CTNNA3: variants seen among roughly 807,000 people sequenced by gnomAD.
The protein encoded by CTNNA3 is catenin alpha 3.
A neutral mutation model predicts 95.7 loss-of-function variants in CTNNA3; 76 were observed. The observed-to-expected ratio is 0.79, with a 90% CI of 0.66 to 0.96. The LOEUF is 0.96. Ranked by LOEUF, CTNNA3 falls within the 40% of genes least tolerant of loss-of-function variation. The pLI is 0.00. For missense variants in CTNNA3, 1,191 were observed against 1,089.8 expected, an observed-to-expected ratio of 1.09 and a Z score of -1.31; for synonymous variants, 431 against 374.4, an observed-to-expected ratio of 1.15 and a Z score of -1.74.
chr10:66,438,369 T>A (rs1241786812), intron 11 of CTNNA3, among the ~76,000 whole-genome samples: 2 of 152,210 alleles, frequency 1.3e-5, no homozygotes, highest in Non-Finnish European at 2.9e-5. Context: ...GACTGTGGCT[T>A]CTGCCTTTCT....
At chr10:67,258,235 C>G (rs1866442287) in intron 5 of CTNNA3, among the ~76,000 whole-genome samples, 1 of 152,128 alleles carries the variant, frequency 6.6e-6, no homozygotes, top group South Asian at 2.1e-4. Context: ...CCTCCGCCTC[C>G]CAGGTTCCAG....
At chr10:67,313,375 C>G (rs1766332056) in intron 5 of CTNNA3, among the ~76,000 whole-genome samples, 1 of 151,100 alleles carries the variant, frequency 6.6e-6, no homozygotes, top group Non-Finnish European at 1.5e-5. Context: ...GAGTTTGCAG[C>G]AAGCTGAGAT....
chr10:66,396,348 A>C lies in CTNNA3; in HGVS notation c.1532-16996T>G, dbSNP rs2092976922. On this transcript the variant is annotated intron_variant, in intron 11 of 17. Coordinates refer to ENST00000433211, the MANE Select transcript of CTNNA3 (RefSeq NM_013266.4). ...GTTATATTGAACCAGTTTTATCCTA[A>C]TACATGGAATGTAATCAGGCAAAAT... 2.0e-5 allele frequency among the ~76,000 whole-genome samples: 3 copies of C among 151,998 alleles called. No homozygotes were observed. The Admixed American group carries it at 2.0e-4, about 10-fold the overall frequency.
At chr10:66,869,226 A>T (rs1844302024) in intron 7 of CTNNA3, among the ~76,000 whole-genome samples, 1 of 152,166 alleles carries the variant, frequency 6.6e-6, no homozygotes, top group Admixed American at 6.5e-5. Flanking sequence ...CAAATATTAG[A>T]ACAGGGATGA....
At chr10:66,072,036 C>T (rs2080447291) in intron 14 of CTNNA3, among the ~76,000 whole-genome samples, 2 of 152,156 alleles carry the variant, frequency 1.3e-5, no homozygotes, top group African/African-American at 2.4e-5. Flanking sequence ...CATATCACTC[C>T]GTTACTCAAC....
intron 7 of CTNNA3, among the ~76,000 whole-genome samples, chr10:67,129,638 A>G (rs1016385627): frequency 6.6e-6 from 1 of 152,170 alleles, no homozygotes; most frequent in African/African-American, 2.4e-5. Context: ...TCAAACGAGC[A>G]CTTGTTATTT....
chr10:67,491,434 C>G (rs10997665), intron 5 of CTNNA3, among the ~76,000 whole-genome samples: 10,968 of 152,214 alleles, frequency 0.072, 479 homozygotes, highest in South Asian at 0.14. Context: ...TACAGGAAAT[C>G]CTTTCGAAAC....
At chr10:66,997,834 A>T (rs1325001917) in intron 7 of CTNNA3, among the ~76,000 whole-genome samples, 1 of 152,060 alleles carries the variant, frequency 6.6e-6, no homozygotes, top group Non-Finnish European at 1.5e-5. Flanking sequence ...AAAATCACCC[A>T]AGCCAGAAGC....
intron 5 of CTNNA3, among the ~76,000 whole-genome samples, chr10:67,226,023 GA>G (rs1373413146): frequency 2.6e-5 from 4 of 152,090 alleles, no homozygotes; most frequent in African/African-American, 9.7e-5. Flanking sequence ...ATAGCTTAAA[GA>G]AAAAACAACC....
chr10:66,736,369 T>G (rs1030849491), intron 9 of CTNNA3, among the ~76,000 whole-genome samples: 1 of 150,774 alleles, frequency 6.6e-6, no homozygotes, highest in Non-Finnish European at 1.5e-5. Flanking sequence ...TTTTTTTTAA[T>G]TTTAGTGGAG....
chr10:66,153,512 G>T (rs2084315973), intron 13 of CTNNA3, among the ~76,000 whole-genome samples: 5 of 151,934 alleles, frequency 3.3e-5, no homozygotes. Context: ...AGCCTTAGCT[G>T]CAGGATGTTT....
intron 15 of CTNNA3, among the ~76,000 whole-genome samples, chr10:66,009,961 T>G (rs954262474): frequency 6.6e-6 from 1 of 152,210 alleles, no homozygotes; most frequent in South Asian, 2.1e-4. Context: ...TGGTTTTGAG[T>G]TTTATTTTGT....
Position 65,915,892 on chromosome 10 carries a change from C to T in CTNNA3, c.*4438G>A, listed in dbSNP as rs2077001605. On this transcript the variant is annotated 3_prime_UTR_variant, in exon 18 of 18. Transcript: ENST00000433211. ...TGCCAAAAAGGTATTTAAAATTTTACTTCTTCTCTTTCTCTTTGAGATGAC... is the reference window on the plus strand; with the variant it reads ...TGCCAAAAAGGTATTTAAAATTTTATTTCTTCTCTTTCTCTTTGAGATGAC... The T allele has an allele frequency of 6.6e-6, 1 of 151,038 alleles. No individual in the cohort carries two copies. The highest frequency in any genetic ancestry group is 2.5e-5 in the African/African-American group (1 of 40,358). 9.4% of individuals were successfully genotyped at this position (151,038 alleles called of 1,614,324 possible).
chr10:66,471,891 G>A (rs201353956), intron 11 of CTNNA3, among the ~76,000 whole-genome samples: 1 of 151,996 alleles, frequency 6.6e-6, no homozygotes, highest in African/African-American at 2.4e-5. Context: ...AATATATATT[G>A]GTTGCTGAAA....
intron 11 of CTNNA3, among the ~76,000 whole-genome samples, chr10:66,476,274 A>G (rs1839324666): frequency 6.6e-6 from 1 of 151,988 alleles, no homozygotes; most frequent in East Asian, 1.9e-4. Flanking sequence ...TGGGCTTAAT[A>G]TTTAGGTGAT....
chr10:67,242,664 G>A (rs1865759491), intron 5 of CTNNA3, among the ~76,000 whole-genome samples: 2 of 152,160 alleles, frequency 1.3e-5, no homozygotes, highest in Non-Finnish European at 2.9e-5. Flanking sequence ...TCACCATGCT[G>A]TGCATTCATG....
chr10:65,998,840 G>C (rs2078716206), intron 15 of CTNNA3, among the ~76,000 whole-genome samples: 1 of 152,070 alleles, frequency 6.6e-6, no homozygotes, highest in South Asian at 2.1e-4. Context: ...AGACAGAGGG[G>C]ATTCATGCAA....
chr10:66,186,909 T>C (rs2086374003), intron 13 of CTNNA3, among the ~76,000 whole-genome samples: 1 of 152,168 alleles, frequency 6.6e-6, no homozygotes, highest in Non-Finnish European at 1.5e-5. Context: ...TAATGTTTAT[T>C]AGAAAAATAA....
chr10:67,375,407 A>C (rs1589228892), intron 5 of CTNNA3, among the ~76,000 whole-genome samples: 1 of 152,162 alleles, frequency 6.6e-6, no homozygotes, highest in South Asian at 2.1e-4. Flanking sequence ...GGAGTTCACA[A>C]CCAGCCTAGC....
Sources: gnomAD v4.1 joint callset for allele counts (sites outside exome capture counted in the v4.1 genomes callset) on GRCh38, gnomAD v4.1.1 for gene constraint, MANE v1.5 for transcripts, NCBI Gene and HGNC (gene_info 2026-07-23, HGNC 2026-07-21) for gene names.